NDUFA9: variants seen among roughly 807,000 people sequenced by gnomAD.
The protein encoded by NDUFA9 is NADH:ubiquinone oxidoreductase subunit A9.
In NDUFA9, 23 loss-of-function variants were observed where a neutral mutation model predicts 45.9. That is an observed-to-expected ratio of 0.50 (90% CI 0.36 to 0.71). The LOEUF (loss-of-function observed/expected upper bound fraction) is 0.71. Ranked by LOEUF, NDUFA9 falls within the 30% of genes least tolerant of loss-of-function variation. The pLI is 0.00. For missense variants in NDUFA9, 466 were observed against 488.2 expected (o/e 0.95, Z 0.43); for synonymous variants, 176 against 170.5 (o/e 1.03, Z -0.25).
intron 4 of NDUFA9, 97 bp from the exon 5 acceptor site, chr12:4,658,939 G>C (rs1236695376): frequency 2.4e-6 from 3 of 1,273,736 alleles, no homozygotes; most frequent in South Asian, 2.8e-5. Flanking sequence ...TAAGTAGTGT[G>C]AATTTCAGTA....
At chr12:4,681,475 A>C (rs1945951792) in intron 8 of NDUFA9, among the ~76,000 whole-genome samples, 1 of 151,386 alleles carries the variant, frequency 6.6e-6, no homozygotes. Flanking sequence ...CATAATAATT[A>C]AAACATGAGA....
Position 4,649,130 on chromosome 12 carries a change from G to A in NDUFA9, c.4G>A (p.Ala2Thr), listed in dbSNP as rs1195473093. The A allele has an allele frequency of 6.2e-7, 1 of 1,603,938 alleles. No individual in the cohort carries two copies. The highest frequency in any genetic ancestry group is 8.5e-7 in the Non-Finnish European group (1 of 1,175,584). ...TCGTGGGGGATTGTGGGAAAAGATG[G>A]CGGCTGCCGCACAATCCCGGGTTGT... is the stretch of plus-strand genomic sequence containing the variant. M[A>T]AAAQSRVVRV... The change falls in exon 1 of 11, where the codon GCG becomes ACG. Residue 2 changes from alanine to threonine, a missense_variant. Transcript: ENST00000266544.
At position 4,687,479 on chromosome 12, in the gene NDUFA9, A is replaced by C. The variant is rs918347457; in HGVS notation, c.*371A>C. 6.2e-6 allele frequency: 1 copy of C among 160,498 alleles called. No individual in the cohort carries two copies. The highest frequency in any genetic ancestry group is 6.3e-5 in the Admixed American group (1 of 15,810). The allele number at this position is 160,498 out of a possible 1,614,324, so 9.9% of individuals were successfully genotyped here. On this transcript the variant is annotated 3_prime_UTR_variant, in exon 11 of 11. Transcript: ENST00000266544. ...TGTGATTGTTTTTTAATTTCCATTAAATGAGAGAGCATACAGTATCCCCTA... is the reference window on the plus strand; with the variant it reads ...TGTGATTGTTTTTTAATTTCCATTACATGAGAGAGCATACAGTATCCCCTA...
chr12:4,654,912 T>G lies in NDUFA9; in HGVS notation c.308T>G (p.Leu103Arg). The G allele has an allele frequency of 6.2e-7, 1 of 1,613,030 alleles. No individual in the cohort carries two copies. The highest frequency in any genetic ancestry group is 8.5e-7 in the Non-Finnish European group (1 of 1,179,416). The change falls in exon 3 of 11, where the codon CTT (leucine) becomes CGT (arginine). Residue 103 changes from leucine to arginine, a missense_variant. Transcript: ENST00000266544. ...CGTCCCATGGGTGACCTGGGCCAGCTTCTGTTTCTGGTAAGGGCCTTTATG... is the reference window on the plus strand; with the variant it reads ...CGTCCCATGGGTGACCTGGGCCAGCGTCTGTTTCTGGTAAGGGCCTTTATG... Reference protein sequence around the residue: ...HLRPMGDLGQLLFLEWDARDK... With the variant: ...HLRPMGDLGQRLFLEWDARDK...
In NDUFA9 at chr12:4,662,632, G is replaced by C. The variant is rs1945830106; in HGVS notation, c.652G>C (p.Ala218Pro). 6.2e-7 allele frequency: 1 copy of C among 1,611,208 alleles called. No homozygotes were observed. Among genetic ancestry groups the C allele is most frequent in the East Asian group, 2.2e-5 (1 of 44,836 alleles). Residue 218 changes from alanine (A) to proline (P), a missense_variant, in exon 6 of 11, where the codon GCA (alanine) becomes CCA (proline). By Grantham distance (27) the Ala-to-Pro change is conservative. Coordinates refer to ENST00000266544, the MANE Select transcript of NDUFA9 (RefSeq NM_005002.5). ...AGAGGATAGATTCCTTAATTCTTTT[G>C]CAAGTACGTATTCTTTCTTAATGGT... ...GREDRFLNSF[A>P]SMHRFGPIPL...
At position 4,662,518 on chromosome 12, in the gene NDUFA9, T is replaced by C. The variant is rs1354618146; in HGVS notation, c.553-15T>C. On this transcript the variant is annotated splice_polypyrimidine_tract_variant and intron_variant, in intron 5 of 10. Transcript: ENST00000266544. ...GTCTCTAAACTCAAAACAGGTTTGT[T>C]TGGTTATTGTTTAGGCTGTTGGAGA... is the stretch of plus-strand genomic sequence containing the variant. The C allele has an allele frequency of 2.5e-6, 4 of 1,603,474 alleles. No homozygotes were observed. Among genetic ancestry groups the C allele is most frequent in the Non-Finnish European group, 3.4e-6 (4 of 1,170,618 alleles).
At chr12:4,665,750 T>TTG (rs1945849574) in intron 6 of NDUFA9, among the ~76,000 whole-genome samples, 1 of 151,746 alleles carries the variant, frequency 6.6e-6, no homozygotes, top group Non-Finnish European at 1.5e-5. Context: ...TTTTCTGTTT[T>TTG]TTTTTTTTTT....
At chr12:4,654,195 T>G in intron 1 of NDUFA9, 97 bp from the exon 2 acceptor site, 1 of 1,217,974 alleles carries the variant, frequency 8.2e-7, no homozygotes, top group Non-Finnish European at 1.1e-6. Flanking sequence ...GATTGCAAAA[T>G]AATGTTACAA....
chr12:4,660,816 G>A (rs1376001862), intron 5 of NDUFA9, among the ~76,000 whole-genome samples: 1 of 152,158 alleles, frequency 6.6e-6, no homozygotes, highest in African/African-American at 2.4e-5. Context: ...GGTCATTGGT[G>A]ATCTTATCAA....
intron 8 of NDUFA9, among the ~76,000 whole-genome samples, chr12:4,670,419 G>A (rs554919626): frequency 6.0e-4 from 92 of 152,236 alleles, no homozygotes; most frequent in Non-Finnish European, 1.5e-5. Context: ...CAAGTTGAGA[G>A]GTATCAAATT....
At chr12:4,681,640 A>C (rs1945953162) in intron 8 of NDUFA9, among the ~76,000 whole-genome samples, 1 of 150,098 alleles carries the variant, frequency 6.7e-6, no homozygotes, top group African/African-American at 2.4e-5. Flanking sequence ...ATTTTATATA[A>C]ATTGATAGAA....
Position 4,659,077 on chromosome 12 carries a change from C to G in NDUFA9, c.452C>G (p.Ala151Gly). ...FEDVFVKIPQ[A>G]IAQLSKEAGV... Reference sequence around the variant, plus strand: ...GATGTTTTTGTGAAGATTCCCCAAGCAATTGCTCAACTGTCCAAGGAAGCT... The same window carrying G: ...GATGTTTTTGTGAAGATTCCCCAAGGAATTGCTCAACTGTCCAAGGAAGCT... Residue 151 changes from alanine to glycine, a missense_variant, in exon 5 of 11, where the codon GCA (alanine) becomes GGA (glycine). Ala to Gly is a moderately conservative substitution (Grantham distance 60). Transcript: ENST00000266544. The G allele has an allele frequency of 6.2e-7, 1 of 1,613,116 alleles. No homozygotes were observed. Among genetic ancestry groups the G allele is most frequent in the Non-Finnish European group, 8.5e-7 (1 of 1,179,276 alleles).
chr12:4,668,085 C>T (rs1349317527), intron 6 of NDUFA9, among the ~76,000 whole-genome samples: 2 of 152,074 alleles, frequency 1.3e-5, no homozygotes, highest in East Asian at 3.9e-4. Context: ...ACTAGATAGA[C>T]AGCTCATCTG....
intron 6 of NDUFA9, among the ~76,000 whole-genome samples, chr12:4,665,315 A>G (rs1305320108): frequency 2.0e-5 from 3 of 152,166 alleles, no homozygotes; most frequent in South Asian, 4.1e-4. Flanking sequence ...ACCACCTCAT[A>G]TAAGTGGAAT....
intron 8 of NDUFA9, among the ~76,000 whole-genome samples, chr12:4,673,756 T>C (rs1945902095): frequency 6.6e-6 from 1 of 151,568 alleles, no homozygotes; most frequent in Non-Finnish European, 1.5e-5. Context: ...GTTGGAAAAC[T>C]CCAGGAGAAC....
chr12:4,658,087 T>C (rs903449799), intron 4 of NDUFA9, among the ~76,000 whole-genome samples: 2 of 152,248 alleles, frequency 1.3e-5, no homozygotes, highest in East Asian at 1.9e-4. Context: ...GTGTGGCTGC[T>C]GTTGGTCCTG....
chr12:4,662,791 G>A lies in NDUFA9; in HGVS notation c.655+156G>A, dbSNP rs997711271. 2.5e-5 allele frequency: 14 copies of A among 564,368 alleles called. No individual in the cohort carries two copies. The African/African-American group carries it at 2.7e-4, about 11-fold the overall frequency. The allele number at this position is 564,368 out of a possible 1,614,324, so 35.0% of individuals were successfully genotyped here. ...CTAAGTTTATATTTTCATAGTCAAT[G>A]TAGTCTTTGTTATATTCCATATCAA... On this transcript the variant is annotated intron_variant, in intron 6 of 10. Coordinates refer to ENST00000266544, the MANE Select transcript of NDUFA9 (RefSeq NM_005002.5).
At chr12:4,685,193 T>C (rs754256986) in intron 9 of NDUFA9, 66 bp from the exon 10 acceptor site, 1 of 1,407,132 alleles carries the variant, frequency 7.1e-7, no homozygotes, top group African/African-American at 1.4e-5. Context: ...GCAGTTCTCA[T>C]AGGCTAGCTT....
intron 3 of NDUFA9, chr12:4,657,414 G>A (rs2137464284): frequency 4.9e-6 from 1 of 205,328 alleles, no homozygotes; most frequent in East Asian, 1.4e-4. Context: ...TTGGAGACTT[G>A]GTTTCCTGGG....
Sources: allele counts gnomAD v4.1 joint callset (sites outside exome capture counted in the v4.1 genomes callset), GRCh38; gene constraint gnomAD v4.1.1; transcripts MANE v1.5; gene names NCBI Gene and HGNC (gene_info 2026-07-23, HGNC 2026-07-21).